Variants in DOCK1 observed in about 807,000 individuals in gnomAD.
DOCK1 encodes the protein dedicator of cytokinesis 1.
In DOCK1, 138 loss-of-function variants were observed where a neutral mutation model predicts 262.7. The observed-to-expected ratio is 0.53, with a 90% CI of 0.46 to 0.61. The LOEUF is 0.61. DOCK1 is among the 20% of genes least tolerant of loss of function. The pLI is 0.00. For synonymous variants in DOCK1, 866 were observed against 867.4 expected (o/e 1.00, Z 0.03); for missense variants, 1,908 against 2,370.7 (o/e 0.80, Z 4.05).
At position 127,149,915 on chromosome 10, in the gene DOCK1, C is replaced by T. The variant is rs535022004; in HGVS notation, c.2847+22151C>T. On this transcript the variant is annotated intron_variant, in intron 27 of 51. Transcript: ENST00000623213. ...ACTCACAGGAAAGTTCCTGAACTCC[C>T]GGATTCAGGTCCTTGCAACTAAGAG... 9.2e-5 allele frequency among the ~76,000 whole-genome samples: 14 copies of T among 152,254 alleles called. 1 individual carries two copies. The South Asian group carries it at 2.5e-3, about 27-fold the overall frequency.
At chr10:127,171,132 G>A (rs961804423) in intron 27 of DOCK1, among the ~76,000 whole-genome samples, 1 of 152,176 alleles carries the variant, frequency 6.6e-6, no homozygotes, top group Non-Finnish European at 1.5e-5. Flanking sequence ...GAAGCTCACA[G>A]AGGTTAACCT....
Position 127,127,726 on chromosome 10 carries a change from C to T in DOCK1, c.2809C>T (p.Arg937Ter), listed in dbSNP as rs2050053491. The T allele has an allele frequency of 6.2e-7, 1 of 1,613,034 alleles. No individual in the cohort carries two copies. The highest frequency in any genetic ancestry group is 8.5e-7 in the Non-Finnish European group (1 of 1,179,170). ...IMEKLLRTVN[R>*]TVISMGRDSE... ...GGAGAAACTTCTCCGGACCGTGAAC[C>T]GAACCGTCATTTCCATGGGACGAGA... Residue 937 changes from arginine (R) to a stop codon, truncating the protein, a stop_gained, in exon 27 of 52, where the codon CGA (arginine) becomes TGA (stop). Coordinates refer to ENST00000623213, the MANE Select transcript of DOCK1 (RefSeq NM_001290223.2). LOFTEE classifies it high-confidence loss of function.
chr10:127,039,412 G>C (rs968272792), intron 19 of DOCK1, among the ~76,000 whole-genome samples: 1 of 152,182 alleles, frequency 6.6e-6, no homozygotes, highest in Non-Finnish European at 1.5e-5. Context: ...CAGTTACCTG[G>C]AAGAATGTAG....
At chr10:126,961,760 G>A (rs1435167301) in intron 1 of DOCK1, among the ~76,000 whole-genome samples, 2 of 152,116 alleles carry the variant, frequency 1.3e-5, no homozygotes, top group Non-Finnish European at 2.9e-5. Flanking sequence ...TGGAAACTTG[G>A]GTTAGTTCCA....
intron 15 of DOCK1, among the ~76,000 whole-genome samples, chr10:127,025,549 C>T (rs535413478): frequency 1.6e-4 from 25 of 152,196 alleles, no homozygotes; most frequent in Admixed American, 9.2e-4. Flanking sequence ...TGGGTTCAAG[C>T]GATTCTCTTG....
chr10:127,091,274 C>T (rs1377358109), intron 23 of DOCK1, among the ~76,000 whole-genome samples: 2 of 152,182 alleles, frequency 1.3e-5, no homozygotes, highest in Non-Finnish European at 1.5e-5. Context: ...TGAGCCACTG[C>T]GCCCAGCCTG....
chr10:127,348,562 A>T (rs2063745181), intron 31 of DOCK1, among the ~76,000 whole-genome samples: 1 of 152,198 alleles, frequency 6.6e-6, no homozygotes, highest in Non-Finnish European at 1.5e-5. Flanking sequence ...TTTGATGGCA[A>T]AGTCCAGCTC....
At chr10:127,107,290 C>T (rs773248233) in intron 24 of DOCK1, among the ~76,000 whole-genome samples, 4 of 152,102 alleles carry the variant, frequency 2.6e-5, no homozygotes, top group African/African-American at 4.8e-5. Context: ...GTCCACTGAG[C>T]GGTGAAACGG....
chr10:127,201,172 T>G (rs910116378), intron 27 of DOCK1, among the ~76,000 whole-genome samples: 5 of 152,368 alleles, frequency 3.3e-5, no homozygotes, highest in African/African-American at 1.2e-4. Context: ...TGGGGCCTCC[T>G]TTTCTGCCGA....
intron 23 of DOCK1, among the ~76,000 whole-genome samples, chr10:127,065,719 A>G (rs1456416070): frequency 1.3e-5 from 2 of 152,004 alleles, no homozygotes; most frequent in Non-Finnish European, 2.9e-5. Flanking sequence ...CCTCTGCCGC[A>G]CATCACCTAC....
intron 6 of DOCK1, among the ~76,000 whole-genome samples, chr10:126,993,062 T>C (rs2039926904): frequency 1.3e-5 from 2 of 152,258 alleles, no homozygotes; most frequent in African/African-American, 4.8e-5. Flanking sequence ...TGGAGAGTTC[T>C]GATACAGAAC....
At chr10:127,040,484 T>C (rs1332023196) in intron 19 of DOCK1, among the ~76,000 whole-genome samples, 1 of 152,212 alleles carries the variant, frequency 6.6e-6, no homozygotes, top group East Asian at 1.9e-4. Flanking sequence ...AGGCTCATGC[T>C]GGGCATGCTG....
chr10:126,964,402 G>A (rs1249220544), intron 1 of DOCK1, among the ~76,000 whole-genome samples: 1 of 152,150 alleles, frequency 6.6e-6, no homozygotes, highest in Admixed American at 6.5e-5. Context: ...CGTGTAGGGT[G>A]TGTGAAGTTC....
chr10:126,944,895 G>A (rs1051387131), intron 1 of DOCK1, among the ~76,000 whole-genome samples: 1 of 152,200 alleles, frequency 6.6e-6, no homozygotes, highest in Admixed American at 6.5e-5. Context: ...CTGGAGTGCA[G>A]TGGCAGAGTC....
At chr10:127,295,118 A>AG (rs1416063910) in intron 29 of DOCK1, among the ~76,000 whole-genome samples, 2 of 152,156 alleles carry the variant, frequency 1.3e-5, no homozygotes, top group Admixed American at 6.5e-5. Context: ...GTTGCTCTAG[A>AG]GGAATACCTG....
At chr10:127,103,097 C>G (rs1337258843) in intron 23 of DOCK1, among the ~76,000 whole-genome samples, 1 of 152,152 alleles carries the variant, frequency 6.6e-6, no homozygotes, top group Non-Finnish European at 1.5e-5. Flanking sequence ...CTGTGTCGTT[C>G]ACGTGCATCT....
intron 23 of DOCK1, among the ~76,000 whole-genome samples, chr10:127,078,105 A>G (rs1310558423): frequency 6.6e-6 from 1 of 152,122 alleles, no homozygotes; most frequent in Non-Finnish European, 1.5e-5. Context: ...CACACTGGAA[A>G]TTGACATATG....
Position 126,997,480 on chromosome 10 carries a change from A to G in DOCK1, c.609+597A>G, listed in dbSNP as rs372599012. Among the ~76,000 whole-genome samples, 9 of 118,534 alleles carry G rather than the reference A, an allele frequency of 7.6e-5. No homozygotes were observed. The South Asian group carries it at 3.4e-3, about 44-fold the overall frequency. The allele number at this position is 118,534 out of a possible 152,430, so 77.8% of individuals were successfully genotyped here. The stretch of plus-strand genomic sequence containing the variant: ...CAACACTTCACATGGCTAGAGCAGG[A>G]GGAAGAGAGAGGGTGTGCGGGGGGG... On this transcript the variant is annotated intron_variant, in intron 7 of 51. Coordinates refer to ENST00000623213, the MANE Select transcript of DOCK1 (RefSeq NM_001290223.2).
intron 9 of DOCK1, 118 bp downstream of exon 9, chr10:126,999,553 GGTTAAT>G (rs2040437584): frequency 1.3e-6 from 1 of 749,700 alleles, no homozygotes; most frequent in Non-Finnish European, 2.2e-6. Flanking sequence ...CCTGTATACA[GGTTAAT>G]TTAGTATTAC....
Sources: allele counts gnomAD v4.1 joint callset (sites outside exome capture counted in the v4.1 genomes callset), GRCh38; gene constraint gnomAD v4.1.1; transcripts MANE v1.5; gene names NCBI Gene and HGNC (gene_info 2026-07-23, HGNC 2026-07-21).